SEC31A: variants seen among roughly 807,000 people sequenced by gnomAD.
SEC31A encodes protein transport protein Sec31A.
SEC31A carries 70 observed loss-of-function variants against 151.0 expected under a neutral mutation model. The ratio of observed to expected loss-of-function variants is 0.46; its 90% CI spans 0.38 to 0.57. SEC31A has a LOEUF of 0.57. Ranked by LOEUF, SEC31A falls within the 20% of genes least tolerant of loss-of-function variation. The pLI is 0.00. For synonymous variants in SEC31A, 475 were observed against 505.9 expected (o/e 0.94, Z 0.82); for missense variants, 1,330 against 1,471.2 (o/e 0.90, Z 1.57).
intron 1 of SEC31A, among the ~76,000 whole-genome samples, chr4:82,887,054 T>C (rs930562604): frequency 6.6e-6 from 1 of 152,228 alleles, no homozygotes; most frequent in East Asian, 1.9e-4. Flanking sequence ...AGATAAAACA[T>C]TTACTTTTAA....
Position 82,861,651 on chromosome 4 carries a change from C to T in SEC31A, c.1606G>A (p.Glu536Lys). Residue 536 changes from glutamate to lysine, a missense_variant, in exon 14 of 27, where the codon GAA becomes AAA. Glu to Lys is a moderately conservative substitution (Grantham distance 56). Transcript: ENST00000395310. ...QSDGEESPAA[E>K]EQLLGEHIKE... is the part of the protein sequence containing the mutation. ...AGTACCTCTCCCAAGAGCTGCTCTT[C>T]AGCAGCAGGGCTCTCCTCCCCATCA... 1.2e-6 allele frequency: 2 copies of T among 1,608,224 alleles called. No homozygotes were observed. The highest frequency in any genetic ancestry group is 8.5e-7 in the Non-Finnish European group (1 of 1,175,572).
At chr4:82,891,258 C>G (rs912006995), upstream of SEC31A, 1 of 1,333,002 alleles carries the variant, frequency 7.5e-7, no homozygotes, top group African/African-American at 1.5e-5. Context: ...GGAGCGACAT[C>G]TTTCCCCGCC....
chr4:82,828,699 A>C (rs1361345359), intron 23 of SEC31A, among the ~76,000 whole-genome samples: 1 of 150,810 alleles, frequency 6.6e-6, no homozygotes, highest in Non-Finnish European at 1.5e-5. Context: ...AAAAAAAAAG[A>C]AAGCAACCCT....
At chr4:82,898,408 A>G (rs955506597) in intron 3 of SEC31A, among the ~76,000 whole-genome samples, 1 of 152,376 alleles carries the variant, frequency 6.6e-6, no homozygotes, top group East Asian at 1.9e-4. Flanking sequence ...GCAGAAGTAA[A>G]TATCTAGAGC....
At position 82,878,730 on chromosome 4, in the gene SEC31A, C is replaced by T; in HGVS notation, c.402G>A (p.Gln134=). ...PVRALDVNIF[Q]TNLVASGANE... is the part of the protein sequence containing the mutation. ...AATTATGAAATGTTAAAGTCTTAAC[C>T]TGGAAAATGTTCACATCCAAGGCTC... The change falls in exon 4 of 27, where the codon CAG becomes CAA. Residue 134 remains glutamine (Q), a splice_region_variant and synonymous_variant. Coordinates refer to ENST00000395310, the MANE Select transcript of SEC31A (RefSeq NM_001077207.4). 1 of 1,612,648 alleles carries T rather than the reference C, an allele frequency of 6.2e-7. No homozygotes were observed. Among genetic ancestry groups the T allele is most frequent in the Non-Finnish European group, 8.5e-7 (1 of 1,178,746 alleles).
chr4:82,845,497 A>C (rs1174657978), intron 20 of SEC31A, among the ~76,000 whole-genome samples: 1 of 152,176 alleles, frequency 6.6e-6, no homozygotes, highest in African/African-American at 2.4e-5. Context: ...AAAACCACAC[A>C]ATCACAATGA....
chr4:82,821,056 T>C lies in SEC31A; in HGVS notation c.3464A>G (p.Asp1155Gly). ...ACTTACTGTCTGTTCCCTAAGTTTATCATACAGAAACTCCAAACGTTTGCT... is the reference window on the plus strand; with the variant it reads ...ACTTACTGTCTGTTCCCTAAGTTTACCATACAGAAACTCCAAACGTTTGCT... The part of the protein sequence containing the change: ...DASKRLEFLY[D>G]KLREQTLSPT... Residue 1155 changes from aspartate to glycine, a missense_variant, in exon 26 of 27, where the codon GAT (aspartate) becomes GGT (glycine). Coordinates refer to ENST00000395310, the MANE Select transcript of SEC31A (RefSeq NM_001077207.4). The C allele has an allele frequency of 6.2e-7, 1 of 1,613,900 alleles. No individual in the cohort carries two copies. Among genetic ancestry groups the C allele is most frequent in the Non-Finnish European group, 8.5e-7 (1 of 1,179,796 alleles).
At chr4:82,890,014 G>T (rs1459222047) in intron 1 of SEC31A, among the ~76,000 whole-genome samples, 1 of 151,942 alleles carries the variant, frequency 6.6e-6, no homozygotes, top group Non-Finnish European at 1.5e-5. Flanking sequence ...GATCACTTGA[G>T]GTCAGGAGTG....
intron 25 of SEC31A, among the ~76,000 whole-genome samples, chr4:82,823,495 A>C (rs982285594): frequency 6.6e-6 from 1 of 152,238 alleles, no homozygotes; most frequent in African/African-American, 2.4e-5. Flanking sequence ...ACTGACCAGC[A>C]GAAGGCTGCA....
intron 21 of SEC31A, 200 bp downstream of exon 21, chr4:82,844,186 G>A (rs1321364496): frequency 1.9e-6 from 1 of 516,832 alleles, no homozygotes; most frequent in African/African-American, 1.9e-5. Context: ...TCTGAACAGT[G>A]TGACAAAGGA....
intron 1 of SEC31A, among the ~76,000 whole-genome samples, chr4:82,888,368 A>C (rs1200936499): frequency 2.2e-5 from 2 of 91,332 alleles, no homozygotes; most frequent in African/African-American, 9.7e-5. Flanking sequence ...AAAAAAAAAA[A>C]AAAAACACAC....
chr4:82,890,924 C>T (rs1035174464), intron 1 of SEC31A, 164 bp downstream of exon 1: 1 of 1,414,226 alleles, frequency 7.1e-7, no homozygotes, highest in Non-Finnish European at 9.2e-7. Context: ...AGGCGTTGTT[C>T]CGCCGGGCCC....
chr4:82,846,082 C>T (rs1730070026), intron 20 of SEC31A, among the ~76,000 whole-genome samples: 1 of 152,126 alleles, frequency 6.6e-6, no homozygotes, highest in African/African-American at 2.4e-5. Flanking sequence ...CAGCTCACTG[C>T]AAACTCCGCC....
intron 9 of SEC31A, 22 bp downstream of exon 9, chr4:82,867,133 A>G (rs1486760854): frequency 6.2e-7 from 1 of 1,601,086 alleles, no homozygotes; most frequent in African/African-American, 1.3e-5. Context: ...TTATAATAGA[A>G]AACTTTAACA....
rs377015990 is a variant in SEC31A at position 82,825,105 on chromosome 4, G to A, written c.3292-431C>T. 4.0e-4 allele frequency among the ~76,000 whole-genome samples: 61 copies of A among 152,208 alleles called. 1 individual carries two copies. Among genetic ancestry groups the A allele is most frequent in the African/African-American group, 1.4e-3 (57 of 41,458 alleles). Reference sequence around the variant, plus strand: ...TTCTATTCTTTGTTTTACTCTTAGAGGTTGTTAACTGGGCTGTGATCAAAA... The same window carrying A: ...TTCTATTCTTTGTTTTACTCTTAGAAGTTGTTAACTGGGCTGTGATCAAAA... On this transcript the variant is annotated intron_variant, in intron 24 of 26. Coordinates refer to ENST00000395310, the MANE Select transcript of SEC31A (RefSeq NM_001077207.4).
At chr4:82,896,851 G>C (rs970550004) in intron 3 of SEC31A, among the ~76,000 whole-genome samples, 2 of 152,150 alleles carry the variant, frequency 1.3e-5, no homozygotes, top group Non-Finnish European at 2.9e-5. Flanking sequence ...CATTGAAGGA[G>C]TTTGACCTTT....
chr4:82,853,198 T>C (rs1370342588), intron 18 of SEC31A, among the ~76,000 whole-genome samples: 1 of 152,210 alleles, frequency 6.6e-6, no homozygotes, highest in Non-Finnish European at 1.5e-5. Flanking sequence ...TCTACTGGCA[T>C]TGGGGATGCC....
rs1252432748 is a variant in SEC31A at position 82,824,672 on chromosome 4, A to G, written c.3294T>C (p.His1098=). 2 of 1,613,708 alleles carry G rather than the reference A, an allele frequency of 1.2e-6. No homozygotes were observed. The highest frequency in any genetic ancestry group is 1.7e-5 in the Admixed American group (1 of 59,928). Reference sequence around the variant, plus strand: ...TTTTTTTTGTTGGCAAAGACTGCACATGCTGGAAGAAACACACCAAAAACT... The same window carrying G: ...TTTTTTTTGTTGGCAAAGACTGCACGTGCTGGAAGAAACACACCAAAAACT... ...PGAPIGNTFQ[H]VQSLPTKKIT... The change falls in exon 25 of 27, where the codon CAT becomes CAC. Residue 1098 remains histidine (H), a splice_region_variant and synonymous_variant. Transcript: ENST00000395310.
chr4:82,842,663 C>T, intron 21 of SEC31A, 182 bp from the exon 22 acceptor site: 1 of 546,350 alleles, frequency 1.8e-6, no homozygotes. Flanking sequence ...CACTTGAATT[C>T]AATAGCTTCA....
Sources: allele counts gnomAD v4.1 joint callset (sites outside exome capture counted in the v4.1 genomes callset), GRCh38; gene constraint gnomAD v4.1.1; transcripts MANE v1.5; gene names NCBI Gene and HGNC (gene_info 2026-07-23, HGNC 2026-07-21).